Variants in RASGRF1 observed in about 807,000 individuals in gnomAD.
The protein encoded by RASGRF1 is Ras protein specific guanine nucleotide releasing factor 1.
A neutral mutation model predicts 138.7 loss-of-function variants in RASGRF1; 40 were observed. The observed-to-expected ratio is 0.29, with a 90% CI of 0.22 to 0.38. RASGRF1 has a LOEUF of 0.38. Ranked by LOEUF, RASGRF1 falls within the 10% of genes least tolerant of loss-of-function variation. The probability of loss-of-function intolerance (pLI) is 1.00; values close to 1 mark genes in which losing one functional copy is unlikely to be tolerated. For missense variants in RASGRF1, 1,108 were observed against 1,650.4 expected (o/e 0.67, Z 5.69); for synonymous variants, 614 against 663.2 (o/e 0.93, Z 1.14).
rs758415767 is a variant in RASGRF1 at position 79,072,267 on chromosome 15, C to CTTTTTTTTTTTT, written c.277-7753_277-7742dup. On this transcript the variant is annotated intron_variant, in intron 1 of 26. Transcript: ENST00000558480. ...TTTCTGGGAGTTCTTGATAAACAATCTTTTTTTTTTTTTTTTTTTTTTTTT... is the reference window on the plus strand; with the variant it reads ...TTTCTGGGAGTTCTTGATAAACAATCTTTTTTTTTTTTTTTTTTTTTTTTTTTTTTTTTTTTT... 2.3e-4 allele frequency among the ~76,000 whole-genome samples: 14 copies of CTTTTTTTTTTTT among 61,586 alleles called. 3 individuals are homozygous for CTTTTTTTTTTTT. The highest frequency in any genetic ancestry group is 3.2e-4 in the African/African-American group (6 of 18,824). The allele number at this position is 61,586 out of a possible 152,430, so 40.4% of individuals were successfully genotyped here.
chr15:79,062,732 T>C (rs1595954702), intron 2 of RASGRF1, among the ~76,000 whole-genome samples: 3 of 152,100 alleles, frequency 2.0e-5, no homozygotes, highest in Middle Eastern at 6.8e-3. Context: ...TTAGTAGAGA[T>C]GGGGCTTCAC....
At chr15:78,989,578 CT>C (rs577707759) in intron 22 of RASGRF1, among the ~76,000 whole-genome samples, 19 of 152,092 alleles carry the variant, frequency 1.2e-4, no homozygotes, top group Admixed American at 7.2e-4. Context: ...TAAACATTCT[CT>C]TTAGTGTTAT....
intron 3 of RASGRF1, among the ~76,000 whole-genome samples, chr15:79,052,214 ACGGT>A (rs2057442951): frequency 6.6e-6 from 1 of 152,126 alleles, no homozygotes; most frequent in African/African-American, 2.4e-5. Context: ...TGCTTTGGGC[ACGGT>A]GCAATGGCTC....
intron 1 of RASGRF1, among the ~76,000 whole-genome samples, chr15:79,069,362 T>G (rs2141073984): frequency 6.6e-6 from 1 of 152,354 alleles, no homozygotes; most frequent in African/African-American, 2.4e-5. Context: ...CCAGCCACAC[T>G]GCTGTATCTC....
rs150945735 is a variant in RASGRF1, at chr15:79,060,818, T to G, written c.384-2337A>C. Reference sequence around the variant, plus strand: ...ATTTAGTGAATTGCTTGAAAAATTATCCTGTCCATGGTAGGCAGGAGAGGT... The same window carrying G: ...ATTTAGTGAATTGCTTGAAAAATTAGCCTGTCCATGGTAGGCAGGAGAGGT... On this transcript the variant is annotated intron_variant, in intron 2 of 26. Coordinates refer to ENST00000558480, the MANE Select transcript of RASGRF1 (RefSeq NM_001145648.3). Among the ~76,000 whole-genome samples the G allele has an allele frequency of 1.5e-3, 230 of 152,336 alleles. 1 individual carries two copies. The highest frequency in any genetic ancestry group is 5.0e-3 in the African/African-American group (209 of 41,566).
intron 1 of RASGRF1, among the ~76,000 whole-genome samples, chr15:79,082,800 G>A (rs948277369): frequency 6.6e-6 from 1 of 152,164 alleles, no homozygotes; most frequent in Non-Finnish European, 1.5e-5. Flanking sequence ...GAACTCACAG[G>A]TTCTTTGAGC....
chr15:79,038,333 G>A (rs2057250417), intron 5 of RASGRF1, among the ~76,000 whole-genome samples: 2 of 152,180 alleles, frequency 1.3e-5, no homozygotes, highest in Non-Finnish European at 2.9e-5. Flanking sequence ...GCACATGCCT[G>A]TGTAGCAGCA....
At chr15:79,054,046 C>T in intron 3 of RASGRF1, among the ~76,000 whole-genome samples, 1 of 152,178 alleles carries the variant, frequency 6.6e-6, no homozygotes, top group East Asian at 1.9e-4. Context: ...TTCAAGCTAC[C>T]AAAGGTCAAA....
intron 3 of RASGRF1, among the ~76,000 whole-genome samples, chr15:79,051,080 C>T (rs971937438): frequency 6.6e-6 from 1 of 152,082 alleles, no homozygotes; most frequent in Admixed American, 6.6e-5. Context: ...GTAATGAAGC[C>T]CCACATGTCT....
At position 79,027,955 on chromosome 15, in the gene RASGRF1, C is replaced by T; in HGVS notation, c.1263-96G>A. The T allele has an allele frequency of 8.0e-7, 1 of 1,253,510 alleles. No individual in the cohort carries two copies. Among genetic ancestry groups the T allele is most frequent in the Non-Finnish European group, 1.2e-6 (1 of 869,208 alleles). The allele number at this position is 1,253,510 out of a possible 1,614,324, so 77.6% of individuals were successfully genotyped here. On this transcript the variant is annotated intron_variant, in intron 8 of 26. Transcript: ENST00000558480. This position sits in a 1 kb window ranked among gnomAD's most constrained non-coding sequence, Gnocchi z 4.8. ...CTTCTGGCCAGACCTAGGAAGAAAG[C>T]CTGGCACAAGGATTCTCAGGTGGAG...
chr15:79,079,239 G>A (rs1038794301), intron 1 of RASGRF1, among the ~76,000 whole-genome samples: 3 of 152,148 alleles, frequency 2.0e-5, no homozygotes, highest in African/African-American at 4.8e-5. Context: ...CTGTGATGAC[G>A]CCTCAGCCAG....
rs754165713 is a variant in RASGRF1 at position 78,971,898 on chromosome 15, G to A, written c.3649C>T (p.Gln1217Ter). Reference protein sequence around the residue: ...HIIREIRQFQQTAYKIEHQAK... With the variant: ...HIIREIRQFQ Reference sequence around the variant, plus strand: ...TGGTGCTCTATTTTGTAGGCAGTTTGTTGAAACTGGCGAATCTCTCGGATA... The same window carrying A: ...TGGTGCTCTATTTTGTAGGCAGTTTATTGAAACTGGCGAATCTCTCGGATA... Residue 1217 changes from glutamine to a stop codon, truncating the protein, a stop_gained, in exon 26 of 27, where the codon CAA becomes TAA. Coordinates refer to ENST00000558480, the MANE Select transcript of RASGRF1 (RefSeq NM_001145648.3). LOFTEE classifies it high-confidence loss of function. 1 of 1,591,402 alleles carries A rather than the reference G, an allele frequency of 6.3e-7. No individual in the cohort carries two copies. The highest frequency in any genetic ancestry group is 1.7e-5 in the Admixed American group (1 of 59,994).
intron 6 of RASGRF1, 94 bp downstream of exon 6, chr15:79,035,037 A>G: frequency 1.9e-6 from 2 of 1,057,288 alleles, no homozygotes; most frequent in Non-Finnish European, 2.7e-6. Context: ...GTGACACTCT[A>G]TTATGCTCTA....
At chr15:79,086,744 C>G (rs1314429070) in intron 1 of RASGRF1, among the ~76,000 whole-genome samples, 1 of 152,158 alleles carries the variant, frequency 6.6e-6, no homozygotes, top group Non-Finnish European at 1.5e-5. Context: ...GTTGGTTTGG[C>G]TGGGTACCCT....
intron 26 of RASGRF1, among the ~76,000 whole-genome samples, chr15:78,971,444 A>T (rs1002689694): frequency 6.6e-6 from 1 of 152,210 alleles, no homozygotes; most frequent in Non-Finnish European, 1.5e-5. Flanking sequence ...GCTTGTGTTT[A>T]TGGATTGCCT....
At chr15:79,000,435 G>A (rs1937743912) in intron 16 of RASGRF1, among the ~76,000 whole-genome samples, 1 of 152,092 alleles carries the variant, frequency 6.6e-6, no homozygotes, top group Non-Finnish European at 1.5e-5. Flanking sequence ...TGTGACCTTG[G>A]GTAAGTCATT....
At chr15:79,079,887 G>A (rs1390346838) in intron 1 of RASGRF1, among the ~76,000 whole-genome samples, 1 of 152,184 alleles carries the variant, frequency 6.6e-6, no homozygotes, top group East Asian at 1.9e-4. Context: ...TGTGTTATCT[G>A]GACACCAGGA....
chr15:79,082,224 C>T (rs777261864), intron 1 of RASGRF1, among the ~76,000 whole-genome samples: 3 of 152,208 alleles, frequency 2.0e-5, no homozygotes, highest in Admixed American at 6.5e-5. Flanking sequence ...GCCTTTCTGG[C>T]GCTCTGTGTC....
chr15:79,020,371 T>C (rs2056943573), intron 10 of RASGRF1, among the ~76,000 whole-genome samples: 1 of 152,242 alleles, frequency 6.6e-6, no homozygotes, highest in South Asian at 2.1e-4. Flanking sequence ...TGGCCATGGG[T>C]GGAGCGGACA....
Sources: gnomAD v4.1 joint callset for allele counts (sites outside exome capture counted in the v4.1 genomes callset) on GRCh38, gnomAD v4.1.1 for gene constraint, Gnocchi (gnomAD v3.1) non-coding constraint, MANE v1.5 for transcripts, NCBI Gene and HGNC (gene_info 2026-07-23, HGNC 2026-07-21) for gene names.